MACO1: variants seen among roughly 807,000 people sequenced by gnomAD.
The protein encoded by MACO1 is macoilin.
In MACO1, 14 loss-of-function variants were observed where a neutral mutation model predicts 78.7. That is an observed-to-expected ratio of 0.18 (90% CI 0.12 to 0.28). The LOEUF is 0.28. MACO1 is among the 10% of genes least tolerant of loss of function. The pLI is 1.00. For missense variants in MACO1, 501 were observed against 799.0 expected (o/e 0.63, Z 4.50); for synonymous variants, 288 against 291.6 (o/e 0.99, Z 0.12).
intron 6 of MACO1, among the ~76,000 whole-genome samples, chr1:25,468,330 G>T (rs896963436): frequency 1.9e-4 from 29 of 152,280 alleles, no homozygotes; most frequent in Admixed American, 6.5e-4. Context: ...TTTATGTCTG[G>T]AGTAGGCTTA....
intron 6 of MACO1, among the ~76,000 whole-genome samples, chr1:25,463,229 G>A (rs779324758): frequency 6.6e-6 from 1 of 152,168 alleles, no homozygotes; most frequent in Non-Finnish European, 1.5e-5. Flanking sequence ...GATATATGGT[G>A]ACAAGGAACT....
chr1:25,492,429 A>G (rs532333112), intron 10 of MACO1, among the ~76,000 whole-genome samples: 23 of 152,066 alleles, frequency 1.5e-4, no homozygotes, highest in Non-Finnish European at 8.8e-5. Context: ...TTGAGCAGAG[A>G]CCCAAAGGAA....
intron 6 of MACO1, among the ~76,000 whole-genome samples, chr1:25,467,731 ATTTTT>A (rs34155576): frequency 1.5e-5 from 2 of 134,178 alleles, no homozygotes; most frequent in Admixed American, 7.5e-5. Flanking sequence ...TAGAATGATG[ATTTTT>A]TTTTTTTTTT....
chr1:25,495,916 C>T (rs961656235), intron 10 of MACO1, among the ~76,000 whole-genome samples: 1 of 152,152 alleles, frequency 6.6e-6, no homozygotes, highest in Non-Finnish European at 1.5e-5. Flanking sequence ...GAGTAGCAAT[C>T]ACGCCACTGC....
chr1:25,449,333 C>A (rs775073061), intron 3 of MACO1, among the ~76,000 whole-genome samples: 2 of 152,156 alleles, frequency 1.3e-5, no homozygotes, highest in African/African-American at 4.8e-5. Flanking sequence ...AAAGAATCCT[C>A]ACAGCATCCC....
chr1:25,462,625 A>G (rs1471858869), intron 6 of MACO1, among the ~76,000 whole-genome samples: 2 of 152,208 alleles, frequency 1.3e-5, no homozygotes, highest in Non-Finnish European at 2.9e-5. Flanking sequence ...AACACATTCT[A>G]CAGCTATGTC....
chr1:25,488,853 G>A (rs1217375450), intron 8 of MACO1, among the ~76,000 whole-genome samples: 1 of 151,674 alleles, frequency 6.6e-6, no homozygotes, highest in Non-Finnish European at 1.5e-5. Flanking sequence ...AGTCTCACTC[G>A]GACGCCCAAG....
chr1:25,491,819 T>C (rs890672445), intron 10 of MACO1, among the ~76,000 whole-genome samples: 7 of 152,240 alleles, frequency 4.6e-5, no homozygotes, highest in Admixed American at 1.3e-4. Context: ...GATTTCTACA[T>C]TCAAGGAGCT....
At chr1:25,463,054 C>T (rs755090510) in intron 6 of MACO1, among the ~76,000 whole-genome samples, 21 of 151,974 alleles carry the variant, frequency 1.4e-4, no homozygotes, top group Admixed American at 3.3e-4. Flanking sequence ...ACTGTCTGGC[C>T]CTTTACAGAA....
intron 3 of MACO1, among the ~76,000 whole-genome samples, chr1:25,452,249 C>G (rs979494801): frequency 2.6e-5 from 4 of 152,176 alleles, no homozygotes; most frequent in Admixed American, 2.0e-4. Context: ...AGCAAAAAGC[C>G]TTCAGGTCAC....
At chr1:25,496,628 ATGACTT>A (rs2043539440) in intron 10 of MACO1, among the ~76,000 whole-genome samples, 1 of 152,114 alleles carries the variant, frequency 6.6e-6, no homozygotes, top group African/African-American at 2.4e-5. Context: ...TGATAACTAA[ATGACTT>A]TGAGCAAGAT....
At chr1:25,461,742 G>C (rs2043174318) in intron 6 of MACO1, among the ~76,000 whole-genome samples, 1 of 151,962 alleles carries the variant, frequency 6.6e-6, no homozygotes, top group Non-Finnish European at 1.5e-5. Context: ...CATGAATAAA[G>C]GAGAAAGCAA....
intron 8 of MACO1, among the ~76,000 whole-genome samples, chr1:25,486,419 TAA>T (rs1436717502): frequency 6.6e-6 from 1 of 152,200 alleles, no homozygotes; most frequent in African/African-American, 2.4e-5. Context: ...ATTAGATAGT[TAA>T]GAGCTTTTTT....
At chr1:25,457,252 C>T (rs2043129784) in intron 5 of MACO1, among the ~76,000 whole-genome samples, 2 of 151,676 alleles carry the variant, frequency 1.3e-5, no homozygotes, top group Admixed American at 1.3e-4. Flanking sequence ...ACCATGGGCA[C>T]GTGCCACCAT....
chr1:25,438,973 AAG>A (rs1261151345), intron 1 of MACO1, among the ~76,000 whole-genome samples: 2 of 152,140 alleles, frequency 1.3e-5, no homozygotes. Context: ...TTTGTTAAGA[AAG>A]AAACACATTT....
In MACO1 at chr1:25,458,559, A is replaced by C. The variant is rs921321727; in HGVS notation, c.821A>C (p.Asn274Thr). The C allele has an allele frequency of 9.9e-6, 16 of 1,614,058 alleles. No homozygotes were observed. Among genetic ancestry groups the C allele is most frequent in the Non-Finnish European group, 1.1e-5 (13 of 1,180,006 alleles). The change falls in exon 6 of 11, where the codon AAT (asparagine) becomes ACT (threonine). Residue 274 changes from asparagine to threonine, a missense_variant. Asn to Thr is a moderately conservative substitution (Grantham distance 65). Coordinates refer to ENST00000374343, the MANE Select transcript of MACO1 (RefSeq NM_018202.6). The stretch of plus-strand genomic sequence containing the variant: ...CACAACCTTGGAATAAATAACAACA[A>C]TATTCTACAACCTGTAGACTCTAAA... ...KKHNLGINNN[N>T]ILQPVDSKIQ... is the part of the protein sequence containing the mutation.
intron 1 of MACO1, among the ~76,000 whole-genome samples, chr1:25,434,678 G>A (rs1285784118): frequency 6.6e-6 from 1 of 152,110 alleles, no homozygotes; most frequent in Non-Finnish European, 1.5e-5. Flanking sequence ...CTATATGAGG[G>A]AGTCTTTTCT....
At chr1:25,441,767 A>G (rs1033115062) in intron 1 of MACO1, among the ~76,000 whole-genome samples, 1 of 152,172 alleles carries the variant, frequency 6.6e-6, no homozygotes, top group African/African-American at 2.4e-5. Flanking sequence ...GTGCCGAAGG[A>G]TGAGTAGCTA....
chr1:25,435,499 C>T (rs149955655), intron 1 of MACO1, among the ~76,000 whole-genome samples: 1 of 152,262 alleles, frequency 6.6e-6, no homozygotes, highest in East Asian at 1.9e-4. Flanking sequence ...ATCTGATCTC[C>T]AGAGGTTTCA....
Sources: allele counts gnomAD v4.1 joint callset (sites outside exome capture counted in the v4.1 genomes callset), GRCh38; gene constraint gnomAD v4.1.1; transcripts MANE v1.5; gene names NCBI Gene and HGNC (gene_info 2026-07-23, HGNC 2026-07-21).